ADGRV1: variants seen among roughly 807,000 people sequenced by gnomAD.
ADGRV1 encodes adhesion G protein-coupled receptor V1, also known as G-protein coupled receptor 98.
ADGRV1 carries 359 observed loss-of-function variants against 596.2 expected under a neutral mutation model. The ratio of observed to expected loss-of-function variants is 0.60; its 90% CI spans 0.55 to 0.66. The LOEUF (loss-of-function observed/expected upper bound fraction) is 0.66, where lower values mean the gene tolerates loss of function less well. Ranked by LOEUF, ADGRV1 falls within the 30% of genes least tolerant of loss-of-function variation. The pLI is 0.00. For missense variants in ADGRV1, 7,274 were observed against 7,575.6 expected, an observed-to-expected ratio of 0.96 and a Z score of 1.48; for synonymous variants, 2,681 against 2,679.2, an observed-to-expected ratio of 1.00 and a Z score of -0.02.
At chr5:90,960,221 G>T (rs1777896929) in intron 83 of ADGRV1, among the ~76,000 whole-genome samples, 1 of 151,734 alleles carries the variant, frequency 6.6e-6, no homozygotes, top group South Asian at 2.1e-4. Context: ...ACTACAAAAG[G>T]CAGGAGAAAA....
chr5:90,915,686 A>C (rs1286736585), intron 83 of ADGRV1, among the ~76,000 whole-genome samples: 1 of 152,124 alleles, frequency 6.6e-6, no homozygotes. Flanking sequence ...CTGCTGGCTG[A>C]CCTATGATGG....
chr5:91,019,445 T>TTA (rs1783444870), intron 85 of ADGRV1, among the ~76,000 whole-genome samples: 1 of 152,020 alleles, frequency 6.6e-6, no homozygotes, highest in Non-Finnish European at 1.5e-5. Context: ...ACCTTAAGAC[T>TTA]TATACTATTT....
chr5:90,749,833 G>T (rs970028899), intron 52 of ADGRV1, among the ~76,000 whole-genome samples: 1 of 152,128 alleles, frequency 6.6e-6, no homozygotes, highest in Non-Finnish European at 1.5e-5. Context: ...TGGGACAAAA[G>T]AAAGAGGCTA....
At position 90,811,064 on chromosome 5, in the gene ADGRV1, G is replaced by A. The variant is rs750818889; in HGVS notation, c.15804G>A (p.Gln5268=). ...TVKTFGERCA[Q]MEPNALPFRG... ...AAACTTTCGGTGAAAGATGTGCTCA[G>A]ATGGAACCAAATGCATTGCCCTTTC... Residue 5268 remains glutamine (Q), a synonymous_variant, in exon 74 of 90, where the codon CAG becomes CAA. Coordinates refer to ENST00000405460, the MANE Select transcript of ADGRV1 (RefSeq NM_032119.4). 2.5e-6 allele frequency: 4 copies of A among 1,614,040 alleles called. No homozygotes were observed. The highest frequency in any genetic ancestry group is 3.4e-6 in the Non-Finnish European group (4 of 1,179,890).
chr5:91,115,496 A>G (rs981991474), intron 87 of ADGRV1, among the ~76,000 whole-genome samples: 1 of 152,194 alleles, frequency 6.6e-6, no homozygotes, highest in Middle Eastern at 3.2e-3. Flanking sequence ...GATGAACTGT[A>G]CTTTTTCTCA....
chr5:90,723,263 C>T (rs10036980), intron 45 of ADGRV1, among the ~76,000 whole-genome samples: 1 of 151,842 alleles, frequency 6.6e-6, no homozygotes, highest in Non-Finnish European at 1.5e-5. Flanking sequence ...GGTGTGGTGT[C>T]GGAGGTTTTT....
rs761749773 is a variant in ADGRV1, at chr5:90,697,051, G to A, written c.8060G>A (p.Ser2687Asn). Residue 2687 changes from serine to asparagine, a missense_variant, in exon 34 of 90, where the codon AGC (serine) becomes AAC (asparagine). Transcript: ENST00000405460. ...YTEGGSRILP[S>N]SDTVRVNILA... ...GAAGGTGGAAGTAGAATTTTGCCAA[G>A]CTCCGACACTGTTAGAGTGAACATT... is the stretch of plus-strand genomic sequence containing the variant. 2 of 1,613,448 alleles carry A rather than the reference G, an allele frequency of 1.2e-6. No homozygotes were observed. Among genetic ancestry groups the A allele is most frequent in the Non-Finnish European group, 1.7e-6 (2 of 1,179,504 alleles).
chr5:90,825,643 G>T (rs1474393990), intron 76 of ADGRV1, among the ~76,000 whole-genome samples: 1 of 152,166 alleles, frequency 6.6e-6, no homozygotes, highest in Admixed American at 6.5e-5. Context: ...TTAGGAGTGG[G>T]CTTGGGCAAG....
chr5:90,672,943 A>G lies in ADGRV1; in HGVS notation c.4929+221A>G, dbSNP rs1772692044. ...ACTTTATTTTGTACAGAACTTTATC[A>G]TGACATTTTTGCGTTGGATTTTAAG... On this transcript the variant is annotated intron_variant, in intron 22 of 89. Coordinates refer to ENST00000405460, the MANE Select transcript of ADGRV1 (RefSeq NM_032119.4). 4 of 451,966 alleles carry G rather than the reference A, an allele frequency of 8.9e-6. No homozygotes were observed. In the South Asian group the frequency reaches 2.4e-4, roughly 27 times the overall value. The allele number at this position is 451,966 out of a possible 1,614,324, so 28.0% of individuals were successfully genotyped here.
intron 42 of ADGRV1, 47 bp from the exon 43 acceptor site, chr5:90,716,420 A>C: frequency 1.2e-4 from 148 of 1,211,808 alleles, no homozygotes; most frequent in Non-Finnish European, 1.5e-4. Flanking sequence ...CAGCATTTAT[A>C]ACCTCTTCTA....
In ADGRV1 at chr5:90,805,471, T is replaced by G. The variant is rs1761816091; in HGVS notation, c.14836+13T>G. The G allele has an allele frequency of 6.4e-7, 1 of 1,565,472 alleles. No individual in the cohort carries two copies. The highest frequency in any genetic ancestry group is 1.4e-5 in the African/African-American group (1 of 73,994). On this transcript the variant is annotated intron_variant, in intron 72 of 89. Coordinates refer to ENST00000405460, the MANE Select transcript of ADGRV1 (RefSeq NM_032119.4). ...ACCCCAACACTGGGTGAGTTGTAGT[T>G]TTTCTAAGATGAGTCCTGTAGAATA...
chr5:90,625,294 C>T, intron 6 of ADGRV1, 51 bp downstream of exon 6: 2 of 1,165,082 alleles, frequency 1.7e-6, no homozygotes, highest in Admixed American at 1.8e-5. Flanking sequence ...TGTTGCAGGA[C>T]ACAGTCCTGT....
At chr5:90,994,786 C>T (rs371574243) in intron 85 of ADGRV1, among the ~76,000 whole-genome samples, 4 of 152,286 alleles carry the variant, frequency 2.6e-5, no homozygotes, top group East Asian at 1.9e-4. Flanking sequence ...CTTTGTCACA[C>T]GTGGCCACTG....
chr5:90,668,575 G>C (rs956597797), intron 21 of ADGRV1, among the ~76,000 whole-genome samples: 1 of 151,982 alleles, frequency 6.6e-6, no homozygotes, highest in Non-Finnish European at 1.5e-5. Context: ...CGTCTTCTGC[G>C]TTGCTCATGC....
intron 83 of ADGRV1, among the ~76,000 whole-genome samples, chr5:90,930,851 C>T (rs1775180905): frequency 6.6e-6 from 1 of 151,964 alleles, no homozygotes; most frequent in African/African-American, 2.4e-5. Flanking sequence ...ATAGAATATC[C>T]AATTCATTAA....
At chr5:91,067,968 G>A (rs71637321) in intron 85 of ADGRV1, among the ~76,000 whole-genome samples, 2,447 of 152,230 alleles carry the variant, frequency 0.016, 31 homozygotes, top group Middle Eastern at 0.034. Flanking sequence ...TCATGTGGAA[G>A]AATCAGGTCT....
At chr5:90,703,352 A>T (rs1057380808) in intron 34 of ADGRV1, among the ~76,000 whole-genome samples, 1 of 152,032 alleles carries the variant, frequency 6.6e-6, no homozygotes, top group African/African-American at 2.4e-5. Flanking sequence ...ATTTTCTTTA[A>T]TTTACAGAAC....
intron 76 of ADGRV1, among the ~76,000 whole-genome samples, chr5:90,826,236 C>A (rs909787810): frequency 2.6e-5 from 4 of 152,130 alleles, no homozygotes; most frequent in Non-Finnish European, 5.9e-5. Flanking sequence ...AATACATGTT[C>A]TGTGACAATA....
rs766019884 is a variant in ADGRV1 at position 90,823,428 on chromosome 5, C to T, written c.16200C>T (p.Ala5400=). The T allele has an allele frequency of 1.9e-6, 3 of 1,613,554 alleles. No individual in the cohort carries two copies. The South Asian group carries it at 3.3e-5, about 18-fold the overall frequency. Residue 5400 remains alanine (A), a synonymous_variant, in exon 76 of 90, where the codon GCC becomes GCT. Transcript: ENST00000405460. The part of the protein sequence containing the change: ...HLIVTRQPNR[A]FEDVKVFWRV... ...TTGGTGGGTTTCTTGCTCACAGGGC[C>T]TTTGAAGATGTCAAGGTCTTTTGGC...
Sources: allele counts gnomAD v4.1 joint callset (sites outside exome capture counted in the v4.1 genomes callset), GRCh38; gene constraint gnomAD v4.1.1; transcripts MANE v1.5; gene names NCBI Gene and HGNC (gene_info 2026-07-23, HGNC 2026-07-21).